The following LMX1A variants were observed in gnomAD, a reference collection of about 807,000 sequenced individuals.
The protein encoded by LMX1A is LIM homeobox transcription factor 1 alpha, also known as LIM homeobox transcription factor 1-alpha.
In LMX1A, 15 loss-of-function variants were observed where a neutral mutation model predicts 49.1. The observed-to-expected ratio is 0.31, with a 90% CI of 0.20 to 0.47. The LOEUF is 0.47. Ranked by LOEUF, LMX1A falls within the 20% of genes least tolerant of loss-of-function variation. The pLI is 1.00. For synonymous variants in LMX1A, 167 were observed against 185.7 expected, an observed-to-expected ratio of 0.90 and a Z score of 0.82; for missense variants, 372 against 475.8, an observed-to-expected ratio of 0.78 and a Z score of 2.03.
At chr1:165,311,386 T>G (rs1249780689) in intron 3 of LMX1A, among the ~76,000 whole-genome samples, 1 of 152,194 alleles carries the variant, frequency 6.6e-6, no homozygotes, top group Non-Finnish European at 1.5e-5. Context: ...CTCAACTGGA[T>G]AGTGAAATCA....
rs1652967093 is a variant in LMX1A at position 165,249,345 on chromosome 1, A to G, written c.496+63T>C. ...TGGCCATCTAGGGAAGAAACAATGC[A>G]GACAGCCACCCAACTCCACTCTACC... On this transcript the variant is annotated intron_variant, in intron 4 of 8. Transcript: ENST00000342310. 4 of 1,174,090 alleles carry G rather than the reference A, an allele frequency of 3.4e-6. No individual in the cohort carries two copies. In the South Asian group the frequency reaches 5.1e-5, roughly 15 times the overall value. The allele number at this position is 1,174,090 out of a possible 1,614,324, so 72.7% of individuals were successfully genotyped here. A position where few individuals can be genotyped will look rare whatever the true frequency, so the allele number is the denominator to read the frequency against.
intron 3 of LMX1A, among the ~76,000 whole-genome samples, chr1:165,349,081 C>T (rs1123821): frequency 0.17 from 25,563 of 152,164 alleles, 2,325 homozygotes; most frequent in Non-Finnish European, 0.19. Flanking sequence ...GCAATCCAAG[C>T]GATCATGATA....
intron 3 of LMX1A, among the ~76,000 whole-genome samples, chr1:165,301,309 C>T: frequency 6.6e-6 from 1 of 152,308 alleles, no homozygotes; most frequent in South Asian, 2.1e-4. Flanking sequence ...GCAGAGCCCC[C>T]CATCGCTGCA....
At chr1:165,273,936 C>G (rs1571194434) in intron 3 of LMX1A, among the ~76,000 whole-genome samples, 1 of 152,182 alleles carries the variant, frequency 6.6e-6, no homozygotes, top group East Asian at 1.9e-4. Flanking sequence ...TGGCCATCAT[C>G]GTGCTCACCA....
intron 3 of LMX1A, among the ~76,000 whole-genome samples, chr1:165,328,820 C>T (rs1655657860): frequency 6.6e-6 from 1 of 152,196 alleles, no homozygotes; most frequent in Non-Finnish European, 1.5e-5. Context: ...AACATGGCTT[C>T]CAGAAATAAT....
chr1:165,234,055 G>C lies in LMX1A; in HGVS notation c.496+15353C>G, dbSNP rs1262056256. Among the ~76,000 whole-genome samples, 11 of 152,184 alleles carry C rather than the reference G, an allele frequency of 7.2e-5. No homozygotes were observed. In the South Asian group the frequency reaches 2.3e-3, roughly 32 times the overall value. On this transcript the variant is annotated intron_variant, in intron 4 of 8. Coordinates refer to ENST00000342310, the MANE Select transcript of LMX1A (RefSeq NM_177398.4). ...ACAGACTGAATAACATCACAATCCT[G>C]TTTACAAACTTCTGATCTGACTTTC... is the stretch of plus-strand genomic sequence containing the variant.
intron 4 of LMX1A, among the ~76,000 whole-genome samples, chr1:165,228,896 T>C (rs1553202989): frequency 6.6e-6 from 1 of 152,142 alleles, no homozygotes; most frequent in Non-Finnish European, 1.5e-5. Context: ...TACCTTATCA[T>C]CTTGCTTGCA....
intron 3 of LMX1A, among the ~76,000 whole-genome samples, chr1:165,345,126 AG>A (rs1336159210): frequency 6.6e-6 from 1 of 152,246 alleles, no homozygotes; most frequent in African/African-American, 2.4e-5. Flanking sequence ...TGGTATTTAA[AG>A]GAACTTTAAT....
At chr1:165,310,361 G>A (rs1655041608) in intron 3 of LMX1A, among the ~76,000 whole-genome samples, 1 of 152,166 alleles carries the variant, frequency 6.6e-6, no homozygotes. Context: ...AATGAGCAGG[G>A]TAAGGTGACA....
At chr1:165,354,580 T>G (rs1447448120) in intron 2 of LMX1A, among the ~76,000 whole-genome samples, 1 of 152,086 alleles carries the variant, frequency 6.6e-6, no homozygotes, top group African/African-American at 2.4e-5. Flanking sequence ...TTTCGTTTCA[T>G]CTAGGGTGTT....
chr1:165,324,431 G>C (rs982916322), intron 3 of LMX1A, among the ~76,000 whole-genome samples: 1 of 152,148 alleles, frequency 6.6e-6, no homozygotes, highest in South Asian at 2.1e-4. Context: ...TTGGCCATGA[G>C]TCTCAAAGCA....
intron 3 of LMX1A, among the ~76,000 whole-genome samples, chr1:165,319,890 C>T (rs1260782127): frequency 6.6e-6 from 1 of 152,104 alleles, no homozygotes; most frequent in East Asian, 1.9e-4. Flanking sequence ...ATTTACTTAG[C>T]TTGTAATTCA....
intron 4 of LMX1A, among the ~76,000 whole-genome samples, chr1:165,222,663 A>C (rs1651890868): frequency 6.6e-6 from 1 of 152,228 alleles, no homozygotes; most frequent in East Asian, 1.9e-4. Context: ...CTCATTGGTC[A>C]AATTCACTGT....
intron 3 of LMX1A, among the ~76,000 whole-genome samples, chr1:165,348,545 T>A (rs1421225555): frequency 6.6e-6 from 1 of 152,182 alleles, no homozygotes; most frequent in East Asian, 1.9e-4. Flanking sequence ...CTAGCTGTGT[T>A]TGATTTTTAT....
chr1:165,264,884 G>A (rs920227160), intron 3 of LMX1A, among the ~76,000 whole-genome samples: 2 of 152,020 alleles, frequency 1.3e-5, no homozygotes, highest in Non-Finnish European at 2.9e-5. Flanking sequence ...TCCAGCTTGG[G>A]AGACAGAACA....
intron 3 of LMX1A, among the ~76,000 whole-genome samples, chr1:165,300,647 T>G (rs181793896): frequency 8.4e-4 from 128 of 152,350 alleles, no homozygotes; most frequent in African/African-American, 3.1e-3. Flanking sequence ...CTGGTCCCCA[T>G]GACAGCTCCC....
In LMX1A at chr1:165,246,270, G is replaced by C. The variant is rs1047097134; in HGVS notation, c.496+3138C>G. ...TAGAAGTTTGTCCTCTCAGTAGAGAGGCAAGCTTTGGCACACAGAAAATTT... is the reference window on the plus strand; with the variant it reads ...TAGAAGTTTGTCCTCTCAGTAGAGACGCAAGCTTTGGCACACAGAAAATTT... On this transcript the variant is annotated intron_variant, in intron 4 of 8. Transcript: ENST00000342310. Among the ~76,000 whole-genome samples the C allele has an allele frequency of 4.6e-5, 7 of 152,288 alleles. No individual in the cohort carries two copies. In the South Asian group the frequency reaches 1.5e-3, roughly 32 times the overall value.
rs978182769 is a variant in LMX1A, at chr1:165,349,394, T to C, written c.263+3682A>G. Among the ~76,000 whole-genome samples, 22 of 152,376 alleles carry C rather than the reference T, an allele frequency of 1.4e-4. 1 individual carries two copies. The highest frequency in any genetic ancestry group is 1.1e-3 in the Admixed American group (17 of 15,308). On this transcript the variant is annotated intron_variant, in intron 3 of 8. Transcript: ENST00000342310. ...GCTGGAAAATATTTTGATTGTCTGCTAACTTTCAGGAACGTTGAAGACAGT... is the reference window on the plus strand; with the variant it reads ...GCTGGAAAATATTTTGATTGTCTGCCAACTTTCAGGAACGTTGAAGACAGT...
chr1:165,206,864 G>A (rs748501978), intron 7 of LMX1A, among the ~76,000 whole-genome samples: 1 of 152,164 alleles, frequency 6.6e-6, no homozygotes, highest in Non-Finnish European at 1.5e-5. Context: ...CTACCTTGTT[G>A]TTAACATACT....
Sources: gnomAD v4.1 joint callset for allele counts (sites outside exome capture counted in the v4.1 genomes callset) on GRCh38, gnomAD v4.1.1 for gene constraint, MANE v1.5 for transcripts, NCBI Gene and HGNC (gene_info 2026-07-23, HGNC 2026-07-21) for gene names.